The following CCDC73 variants were observed in gnomAD, a reference collection of about 807,000 sequenced individuals.
CCDC73 encodes the protein coiled-coil domain-containing protein 73.
Under a neutral mutation model 116.5 loss-of-function variants are expected in CCDC73, and 95 were observed. The observed-to-expected ratio is 0.82, with a 90% confidence interval of 0.69 to 0.97. The LOEUF (loss-of-function observed/expected upper bound fraction) is 0.97, where lower values mean the gene tolerates loss of function less well. CCDC73 is among the 50% of genes least tolerant of loss of function. CCDC73 has a pLI of 0.00. For missense variants in CCDC73, 1,066 were observed against 1,206.8 expected (o/e 0.88, Z 1.73); for synonymous variants, 398 against 401.3 (o/e 0.99, Z 0.10).
intron 15 of CCDC73, among the ~76,000 whole-genome samples, chr11:32,615,614 C>T (rs564600162): frequency 6.6e-6 from 1 of 152,262 alleles, no homozygotes; most frequent in African/African-American, 2.4e-5. Context: ...ACAACATCTC[C>T]ACCAAGTGGT....
intron 1 of CCDC73, among the ~76,000 whole-genome samples, chr11:32,780,687 CTAA>C (rs1266403196): frequency 2.0e-5 from 3 of 152,174 alleles, no homozygotes; most frequent in African/African-American, 4.8e-5. Context: ...ATAATAACGG[CTAA>C]TGTTTGTTGA....
At chr11:32,799,140 G>A (rs1850751233), upstream of CCDC73, among the ~76,000 whole-genome samples, 1 of 146,052 alleles carries the variant, frequency 6.8e-6, no homozygotes, top group Non-Finnish European at 1.5e-5. Context: ...CACCCAGGCT[G>A]GAATACAGTG....
chr11:32,614,433 A>C lies in CCDC73; in HGVS notation c.1885T>G (p.Leu629Val). The C allele has an allele frequency of 6.2e-7, 1 of 1,613,576 alleles. No homozygotes were observed. Among genetic ancestry groups the C allele is most frequent in the African/African-American group, 1.3e-5 (1 of 75,002 alleles). Residue 629 changes from leucine to valine, a missense_variant, in exon 16 of 18, where the codon TTG becomes GTG. Coordinates refer to ENST00000335185, the MANE Select transcript of CCDC73 (RefSeq NM_001008391.4). ...ITNSDQTKAD[L>V]DSSLDIKKNP... ...TTTTTTATATCTAGAGACGAGTCCAAATCTGCTTTGGTTTGGTCACTATTT... is the reference window on the plus strand; with the variant it reads ...TTTTTTATATCTAGAGACGAGTCCACATCTGCTTTGGTTTGGTCACTATTT...
chr11:32,680,298 T>C (rs563236991), intron 7 of CCDC73: 1 of 152,348 alleles, frequency 6.6e-6, no homozygotes, highest in East Asian at 1.9e-4. Context: ...TAATGTATTA[T>C]AAGGCTATTT....
chr11:32,637,016 T>C (rs1289410122), intron 13 of CCDC73, among the ~76,000 whole-genome samples: 1 of 91,840 alleles, frequency 1.1e-5, no homozygotes. Context: ...TTTTTCTTTT[T>C]CTTTTTTTTT....
intron 14 of CCDC73, among the ~76,000 whole-genome samples, chr11:32,631,232 C>T (rs1565061515): frequency 6.6e-6 from 1 of 152,106 alleles, no homozygotes; most frequent in Non-Finnish European, 1.5e-5. Context: ...TACCAACCAA[C>T]TTTATCTAAT....
chr11:32,615,834 T>C (rs187312854), intron 15 of CCDC73, 106 bp downstream of exon 15: 31 of 1,058,744 alleles, frequency 2.9e-5, no homozygotes, highest in Middle Eastern at 2.4e-4. Context: ...CCAAAAAGAC[T>C]AGGAATAAGT....
the CCDC73 span, among the ~76,000 whole-genome samples, chr11:32,816,166 A>G: frequency 6.6e-6 from 1 of 152,208 alleles, no homozygotes; most frequent in African/African-American, 2.4e-5. Flanking sequence ...TTGAGACATC[A>G]AGTATAGATA....
chr11:32,628,371 G>A (rs1855596236), intron 14 of CCDC73, among the ~76,000 whole-genome samples: 1 of 152,226 alleles, frequency 6.6e-6, no homozygotes, highest in East Asian at 1.9e-4. Flanking sequence ...ATGTACTGAA[G>A]ATGAAGGCGC....
At chr11:32,626,326 A>T (rs906591259) in intron 14 of CCDC73, among the ~76,000 whole-genome samples, 13 of 151,934 alleles carry the variant, frequency 8.6e-5, no homozygotes, top group African/African-American at 3.1e-4. Flanking sequence ...GAAATAAAAG[A>T]GGATACAAAC....
intron 14 of CCDC73, among the ~76,000 whole-genome samples, chr11:32,628,658 G>A (rs2133235570): frequency 6.6e-6 from 1 of 152,254 alleles, no homozygotes; most frequent in Non-Finnish European, 1.5e-5. Context: ...ACCTCAAAAT[G>A]ATGAAGCTTA....
intron 9 of CCDC73, among the ~76,000 whole-genome samples, chr11:32,655,524 C>T (rs12801320): frequency 0.16 from 24,085 of 152,030 alleles, 2,038 homozygotes; most frequent in South Asian, 0.27. Flanking sequence ...ATGCACAAAG[C>T]CACAGAAACA....
the CCDC73 span, among the ~76,000 whole-genome samples, chr11:32,807,217 T>G: frequency 6.6e-6 from 1 of 152,216 alleles, no homozygotes. Context: ...GGACGCAGTT[T>G]GTCAGTTTGC....
chr11:32,677,217 G>T (rs1209441106), intron 7 of CCDC73, among the ~76,000 whole-genome samples: 1 of 152,074 alleles, frequency 6.6e-6, no homozygotes, highest in East Asian at 1.9e-4. Context: ...GTAAAAATTT[G>T]ATTTTGCCTA....
rs557676380 is a variant in CCDC73, at chr11:32,777,150, G to A, written c.-15-16892C>T. ...GTCTTCCTCTGTCACCCAGGCTGGA[G>A]TGTAGTGGTGCAATCTCAGATCTCA... On this transcript the variant is annotated intron_variant, in intron 1 of 17. Coordinates refer to ENST00000335185, the MANE Select transcript of CCDC73 (RefSeq NM_001008391.4). Among the ~76,000 whole-genome samples the A allele has an allele frequency of 9.2e-5, 13 of 142,070 alleles. No homozygotes were observed. The South Asian group carries it at 2.9e-3, about 32-fold the overall frequency. 93.2% of individuals were successfully genotyped at this position (142,070 alleles called of 152,430 possible).
intron 2 of CCDC73, among the ~76,000 whole-genome samples, chr11:32,753,935 G>T (rs946495529): frequency 6.6e-6 from 1 of 152,078 alleles, no homozygotes; most frequent in Non-Finnish European, 1.5e-5. Context: ...TTGTGTATAA[G>T]GTATGTATGA....
At chr11:32,609,597 GT>G (rs143016913) in intron 17 of CCDC73, among the ~76,000 whole-genome samples, 15,409 of 152,144 alleles carry the variant, frequency 0.1, 1,049 homozygotes, top group Non-Finnish European at 0.15. Flanking sequence ...CAGTTCCAAA[GT>G]TGCTTCCACA....
Position 32,641,988 on chromosome 11 carries a change from C to G in CCDC73, c.1034G>C (p.Gly345Ala). Reference protein sequence around the residue: ...NLQNEHEKALGTWKRHAEELN... With the variant: ...NLQNEHEKALATWKRHAEELN... ...TAAACTTACATGTCTTTTCCAAGTT[C>G]CTAGTGCTTTTTCATGCTCATTTTG... is the stretch of plus-strand genomic sequence containing the variant. Residue 345 changes from glycine (G) to alanine (A), a missense_variant, in exon 13 of 18, where the codon GGA (glycine) becomes GCA (alanine). Physicochemically the swap from Gly to Ala is moderately conservative, Grantham distance 60. Transcript: ENST00000335185. 6.6e-7 allele frequency: 1 copy of G among 1,525,162 alleles called. No individual in the cohort carries two copies. The highest frequency in any genetic ancestry group is 8.8e-7 in the Non-Finnish European group (1 of 1,134,424). 94.5% of individuals were successfully genotyped at this position (1,525,162 alleles called of 1,614,324 possible). A position where few individuals can be genotyped will look rare whatever the true frequency, so the allele number is the denominator to read the frequency against.
At chr11:32,750,171 C>T (rs1222233693) in intron 2 of CCDC73, among the ~76,000 whole-genome samples, 2 of 152,130 alleles carry the variant, frequency 1.3e-5, no homozygotes, top group African/African-American at 4.8e-5. Flanking sequence ...CTCCTGGCCT[C>T]TACTCTCACT....
Sources: allele counts gnomAD v4.1 joint callset (sites outside exome capture counted in the v4.1 genomes callset), GRCh38; gene constraint gnomAD v4.1.1; transcripts MANE v1.5; gene names NCBI Gene and HGNC (gene_info 2026-07-23, HGNC 2026-07-21).